The following MCCC1 variants were observed in gnomAD, a reference collection of about 807,000 sequenced individuals.
MCCC1 encodes the protein methylcrotonyl-CoA carboxylase subunit 1.
MCCC1 carries 64 observed loss-of-function variants against 83.8 expected under a neutral mutation model. The observed-to-expected ratio is 0.76, with a 90% CI of 0.62 to 0.94. The LOEUF is 0.94. Among genes scored for constraint, MCCC1 ranks in the 40% least tolerant of loss-of-function variants. The pLI, the probability that MCCC1 is intolerant of heterozygous loss-of-function variation, is 0.00. For missense variants in MCCC1, 807 were observed against 904.7 expected, an observed-to-expected ratio of 0.89 and a Z score of 1.39; for synonymous variants, 322 against 315.4, an observed-to-expected ratio of 1.02 and a Z score of -0.22.
At chr3:183,076,773 A>G (rs935972155) in intron 4 of MCCC1, among the ~76,000 whole-genome samples, 4 of 152,168 alleles carry the variant, frequency 2.6e-5, no homozygotes, top group African/African-American at 4.8e-5. Flanking sequence ...GGCCAACCCA[A>G]TGATTTTTAG....
At chr3:183,028,969 T>C (rs1378059297) in intron 14 of MCCC1, 1 of 152,234 alleles carries the variant, frequency 6.6e-6, no homozygotes. Context: ...TTTTTAGCCA[T>C]AAAGCATTTC....
intron 7 of MCCC1, among the ~76,000 whole-genome samples, chr3:183,065,205 G>A (rs559971667): frequency 6.6e-6 from 1 of 151,626 alleles, no homozygotes; most frequent in South Asian, 2.1e-4. Context: ...TTTGCTGCAG[G>A]TCCCTGAAAA....
intron 4 of MCCC1, among the ~76,000 whole-genome samples, chr3:183,081,253 C>G (rs777486617): frequency 1.3e-5 from 2 of 152,230 alleles, no homozygotes; most frequent in Non-Finnish European, 2.9e-5. Flanking sequence ...TTGCTTCAGG[C>G]ATGTATTGAG....
At chr3:183,101,771 CTT>C (rs1719312224), upstream of MCCC1, among the ~76,000 whole-genome samples, 1 of 152,214 alleles carries the variant, frequency 6.6e-6, no homozygotes, top group African/African-American at 2.4e-5. Flanking sequence ...ACTGCTCACT[CTT>C]TGGGTCCACG....
intron 17 of MCCC1, among the ~76,000 whole-genome samples, 188 bp downstream of exon 17, chr3:183,019,942 G>T (rs1712009436): frequency 6.6e-6 from 1 of 152,102 alleles, no homozygotes; most frequent in Non-Finnish European, 1.5e-5. Context: ...TCATAAATTA[G>T]GTAAATGGGT....
At chr3:183,021,399 A>T (rs907584432) in intron 16 of MCCC1, among the ~76,000 whole-genome samples, 3 of 152,094 alleles carry the variant, frequency 2.0e-5, no homozygotes, top group African/African-American at 7.2e-5. Flanking sequence ...AATGTTTAAA[A>T]TTTTTTGTAG....
chr3:183,044,480 C>A (rs1337991057), intron 10 of MCCC1, among the ~76,000 whole-genome samples: 1 of 152,168 alleles, frequency 6.6e-6, no homozygotes, highest in African/African-American at 2.4e-5. Context: ...TCTGAATGAA[C>A]ATTTACTCAT....
chr3:183,097,913 TA>T (rs763915194), intron 1 of MCCC1, among the ~76,000 whole-genome samples: 1 of 152,070 alleles, frequency 6.6e-6, no homozygotes, highest in Non-Finnish European at 1.5e-5. Context: ...CTTTTTTTTT[TA>T]TTTTTTTATT....
chr3:183,041,491 G>T, intron 11 of MCCC1, 76 bp downstream of exon 11: 5 of 1,461,324 alleles, frequency 3.4e-6, no homozygotes, highest in Non-Finnish European at 4.8e-6. Context: ...AAGACTCAGG[G>T]ATAAGAATGT....
In MCCC1 at chr3:183,067,949, T is replaced by C. The variant is rs1716377193; in HGVS notation, c.761+3050A>G. On this transcript the variant is annotated intron_variant, in intron 7 of 18. Transcript: ENST00000265594. ...TTTGTTGGAACTCATGAGTTATGAG[T>C]GGCCCTCAACATACCGATGCTTTCT... Among the ~76,000 whole-genome samples, 3 of 152,176 alleles carry C rather than the reference T, an allele frequency of 2.0e-5. No individual in the cohort carries two copies. The South Asian group carries it at 6.2e-4, about 31-fold the overall frequency.
rs921134972 is a variant in MCCC1 at position 183,078,916 on chromosome 3, G to C, written c.370-6429C>G. Among the ~76,000 whole-genome samples, 2 of 152,210 alleles carry C rather than the reference G, an allele frequency of 1.3e-5. 1 individual carries two copies. The highest frequency in any genetic ancestry group is 2.9e-5 in the Non-Finnish European group (2 of 68,046). ...TTCATGTCTTACATGGATGGTGGCA[G>C]GCAAAGAGAGAGCTTGTGCAGGGAA... On this transcript the variant is annotated intron_variant, in intron 4 of 18. Transcript: ENST00000265594.
intron 14 of MCCC1, among the ~76,000 whole-genome samples, chr3:183,031,491 C>CTTTTTTTTTTTTT (rs66507233): frequency 1.4e-5 from 1 of 72,698 alleles, no homozygotes; most frequent in Non-Finnish European, 2.4e-5. Flanking sequence ...CTTCTGGCAC[C>CTTTTTTTTTTTTT]TTTTTTTTTT....
At chr3:183,113,259 G>A (rs1350514785) in intron 1 of MCCC1, among the ~76,000 whole-genome samples, 1 of 151,504 alleles carries the variant, frequency 6.6e-6, no homozygotes. Flanking sequence ...GCTTAGTGGT[G>A]GGAGCCTGTG....
At chr3:183,033,847 T>G in intron 14 of MCCC1, 144 bp downstream of exon 14, 1 of 640,788 alleles carries the variant, frequency 1.6e-6, no homozygotes, top group African/African-American at 1.8e-5. Context: ...AATTCTATTA[T>G]ATTGGCATAT....
chr3:183,025,588 G>T (rs1159810936), intron 15 of MCCC1, among the ~76,000 whole-genome samples, 167 bp downstream of exon 15: 2 of 152,172 alleles, frequency 1.3e-5, no homozygotes, highest in Non-Finnish European at 2.9e-5. Flanking sequence ...AAACTGTATA[G>T]GGGGTAATTT....
upstream of MCCC1, among the ~76,000 whole-genome samples, chr3:183,100,736 C>T (rs1344586461): frequency 6.6e-6 from 1 of 152,218 alleles, no homozygotes; most frequent in Non-Finnish European, 1.5e-5. Context: ...AGCGTGCTGG[C>T]AGTCCTCAGA....
intron 2 of MCCC1, among the ~76,000 whole-genome samples, chr3:183,092,870 C>T (rs1193415912): frequency 6.6e-6 from 1 of 152,060 alleles, no homozygotes; most frequent in Non-Finnish European, 1.5e-5. Context: ...TTAATAACTA[C>T]TCTTTTATGT....
upstream of MCCC1, among the ~76,000 whole-genome samples, chr3:183,101,870 G>A (rs916064560): frequency 4.0e-5 from 6 of 151,798 alleles, no homozygotes; most frequent in South Asian, 2.1e-4. Context: ...CGGGAGGAAC[G>A]AACAACTCCG....
At chr3:183,090,002 G>A (rs1718199855) in intron 3 of MCCC1, among the ~76,000 whole-genome samples, 1 of 152,134 alleles carries the variant, frequency 6.6e-6, no homozygotes, top group Admixed American at 6.6e-5. Flanking sequence ...ATAGAAATTT[G>A]GGAGTTTTTC....
Sources: allele counts gnomAD v4.1 joint callset (sites outside exome capture counted in the v4.1 genomes callset), GRCh38; gene constraint gnomAD v4.1.1; transcripts MANE v1.5; gene names NCBI Gene and HGNC (gene_info 2026-07-23, HGNC 2026-07-21).